ST8SIA4: variants seen among roughly 807,000 people sequenced by gnomAD.
ST8SIA4 encodes the protein CMP-N-acetylneuraminate-poly-alpha-2,8-sialyltransferase.
Under a neutral mutation model 33.9 loss-of-function variants are expected in ST8SIA4, and 15 were observed. The observed-to-expected ratio is 0.44, with a 90% CI of 0.30 to 0.68. ST8SIA4 has a LOEUF of 0.68. Ranked by LOEUF, ST8SIA4 falls within the 30% of genes least tolerant of loss-of-function variation. The pLI, the probability that ST8SIA4 is intolerant of heterozygous loss-of-function variation, is 0.10. For missense variants in ST8SIA4, 321 were observed against 428.0 expected, an observed-to-expected ratio of 0.75 and a Z score of 2.21; for synonymous variants, 171 against 151.2, an observed-to-expected ratio of 1.13 and a Z score of -0.96.
chr5:100,848,089 GAAAAC>G lies in ST8SIA4; in HGVS notation c.797+8009_797+8013del, dbSNP rs546416044. ...TAATAATGTAAAACAATATCTACTT[GAAAAC>G]AAAAGATGAAATTACTACAAATAAA... On this transcript the variant is annotated intron_variant, in intron 4 of 4. Coordinates refer to ENST00000231461, the MANE Select transcript of ST8SIA4 (RefSeq NM_005668.6). Among the ~76,000 whole-genome samples, 3 of 151,870 alleles carry G rather than the reference GAAAAC, an allele frequency of 2.0e-5. No homozygotes were observed. The South Asian group carries it at 6.2e-4, about 32-fold the overall frequency.
At chr5:100,847,598 G>A (rs981786979) in intron 4 of ST8SIA4, among the ~76,000 whole-genome samples, 5 of 152,050 alleles carry the variant, frequency 3.3e-5, no homozygotes, top group Admixed American at 6.6e-5. Flanking sequence ...AAAAAAAGTT[G>A]ATGGATGATG....
At chr5:100,824,662 A>T (rs1751101154) in intron 4 of ST8SIA4, among the ~76,000 whole-genome samples, 1 of 152,178 alleles carries the variant, frequency 6.6e-6, no homozygotes, top group South Asian at 2.1e-4. Context: ...CTGAAAAAAA[A>T]GGTGGAGGGG....
Position 100,807,072 on chromosome 5 carries a change from C to T in ST8SIA4, c.*4775G>A, listed in dbSNP as rs112010743. On this transcript the variant is annotated 3_prime_UTR_variant, in exon 5 of 5. Transcript: ENST00000231461. Reference sequence around the variant, plus strand: ...ATACACTTAAAAATAAATGGTTTGCCTAATTGCCAACCACTAGGGCTAAGG... The same window carrying T: ...ATACACTTAAAAATAAATGGTTTGCTTAATTGCCAACCACTAGGGCTAAGG... The T allele has an allele frequency of 4.6e-5, 7 of 151,900 alleles. No individual in the cohort carries two copies. Among genetic ancestry groups the T allele is most frequent in the African/African-American group, 1.7e-4 (7 of 41,384 alleles). The allele number at this position is 151,900 out of a possible 1,614,324, so 9.4% of individuals were successfully genotyped here.
intron 2 of ST8SIA4, among the ~76,000 whole-genome samples, chr5:100,891,906 G>T (rs1030879196): frequency 1.3e-5 from 2 of 151,994 alleles, no homozygotes; most frequent in Admixed American, 6.6e-5. Flanking sequence ...TATAAACATT[G>T]TATGTAGAAG....
chr5:100,830,009 G>A (rs2112413476), intron 4 of ST8SIA4, among the ~76,000 whole-genome samples: 1 of 152,030 alleles, frequency 6.6e-6, no homozygotes, highest in East Asian at 1.9e-4. Flanking sequence ...AACATAAAGA[G>A]ATAAGTCTTT....
At chr5:100,839,285 C>CA (rs1751425939) in intron 4 of ST8SIA4, among the ~76,000 whole-genome samples, 1 of 151,894 alleles carries the variant, frequency 6.6e-6, no homozygotes, top group Non-Finnish European at 1.5e-5. Flanking sequence ...TTCAAATGTA[C>CA]ATAGTTTGAG....
intron 1 of ST8SIA4, among the ~76,000 whole-genome samples, chr5:100,900,870 C>T (rs1752894051): frequency 6.6e-6 from 1 of 152,334 alleles, no homozygotes; most frequent in Non-Finnish European, 1.5e-5. Flanking sequence ...CCCTCGCCGC[C>T]GGCGCTCTGG....
intron 1 of ST8SIA4, among the ~76,000 whole-genome samples, chr5:100,897,108 T>C (rs1322283169): frequency 6.6e-6 from 1 of 152,046 alleles, no homozygotes; most frequent in Non-Finnish European, 1.5e-5. Context: ...TCTCAACGAG[T>C]CACTTCCCTG....
At chr5:100,827,086 T>C (rs1751164380) in intron 4 of ST8SIA4, among the ~76,000 whole-genome samples, 3 of 152,084 alleles carry the variant, frequency 2.0e-5, no homozygotes, top group Admixed American at 2.0e-4. Flanking sequence ...AAAACACTTA[T>C]AAAATCACTA....
chr5:100,839,297 C>A (rs542474079), intron 4 of ST8SIA4, among the ~76,000 whole-genome samples: 2 of 151,970 alleles, frequency 1.3e-5, no homozygotes, highest in South Asian at 4.2e-4. Flanking sequence ...TAGTTTGAGC[C>A]TTATAAATAA....
chr5:100,894,365 C>G (rs1223666309), intron 2 of ST8SIA4, among the ~76,000 whole-genome samples: 1 of 151,970 alleles, frequency 6.6e-6, no homozygotes, highest in Non-Finnish European at 1.5e-5. Context: ...ATATTCTACC[C>G]AGAAGTCATT....
intron 1 of ST8SIA4, among the ~76,000 whole-genome samples, chr5:100,901,764 A>G (rs1752922528): frequency 6.6e-6 from 1 of 152,146 alleles, no homozygotes; most frequent in African/African-American, 2.4e-5. Context: ...CGCTTAAATA[A>G]ATGCTTATTA....
intron 4 of ST8SIA4, among the ~76,000 whole-genome samples, chr5:100,847,120 G>A (rs929655395): frequency 1.3e-5 from 2 of 151,986 alleles, no homozygotes; most frequent in Admixed American, 6.6e-5. Flanking sequence ...TAGGACACAT[G>A]TTTTATAAAG....
intron 3 of ST8SIA4, among the ~76,000 whole-genome samples, chr5:100,864,225 G>C (rs1333057748): frequency 1.3e-5 from 2 of 152,104 alleles, no homozygotes; most frequent in African/African-American, 4.8e-5. Flanking sequence ...CTTGTAATAA[G>C]TAATACGGAG....
chr5:100,815,139 T>C (rs953416469), intron 4 of ST8SIA4, among the ~76,000 whole-genome samples: 2 of 151,158 alleles, frequency 1.3e-5, no homozygotes, highest in Admixed American at 6.5e-5. Context: ...ATTTAGTTTA[T>C]ATACATGTAT....
At chr5:100,830,644 A>C (rs1751238576) in intron 4 of ST8SIA4, among the ~76,000 whole-genome samples, 1 of 152,220 alleles carries the variant, frequency 6.6e-6, no homozygotes, top group African/African-American at 2.4e-5. Flanking sequence ...AATATATTGT[A>C]ATAACTTCAT....
intron 3 of ST8SIA4, among the ~76,000 whole-genome samples, chr5:100,882,538 A>T (rs1220571528): frequency 6.6e-6 from 1 of 152,244 alleles, no homozygotes; most frequent in East Asian, 1.9e-4. Flanking sequence ...AGAATTTTTC[A>T]TAAGTAACAA....
Position 100,807,922 on chromosome 5 carries a change from T to G in ST8SIA4, c.*3925A>C, listed in dbSNP as rs1471391511. 1 of 152,580 alleles carries G rather than the reference T, an allele frequency of 6.6e-6. No individual in the cohort carries two copies. The highest frequency in any genetic ancestry group is 2.4e-5 in the African/African-American group (1 of 41,454). 9.5% of individuals were successfully genotyped at this position (152,580 alleles called of 1,614,324 possible). A position where few individuals can be genotyped will look rare whatever the true frequency, so the allele number is the denominator to read the frequency against. ...TATCTATTTCTAGGTGGGCTTTATT[T>G]GGATTTTCTTTCATCAAATACAAAT... On this transcript the variant is annotated 3_prime_UTR_variant, in exon 5 of 5. Coordinates refer to ENST00000231461, the MANE Select transcript of ST8SIA4 (RefSeq NM_005668.6).
At position 100,807,666 on chromosome 5, in the gene ST8SIA4, CGTTA is replaced by C. The variant is rs1750722694; in HGVS notation, c.*4177_*4180del. On this transcript the variant is annotated 3_prime_UTR_variant, in exon 5 of 5. Coordinates refer to ENST00000231461, the MANE Select transcript of ST8SIA4 (RefSeq NM_005668.6). ...TATAAAGTAGATACCTCTTAAAGCACGTTAGTAACTGAAGTCTCAAAAGAACTTC... is the reference window on the plus strand; with the variant it reads ...TATAAAGTAGATACCTCTTAAAGCACGTAACTGAAGTCTCAAAAGAACTTC... The C allele has an allele frequency of 2.6e-5, 4 of 152,548 alleles. No homozygotes were observed. In the South Asian group the frequency reaches 8.3e-4, roughly 32 times the overall value. The allele number at this position is 152,548 out of a possible 1,614,324, so 9.4% of individuals were successfully genotyped here.
Sources: gnomAD v4.1 joint callset for allele counts (sites outside exome capture counted in the v4.1 genomes callset) on GRCh38, gnomAD v4.1.1 for gene constraint, MANE v1.5 for transcripts, NCBI Gene and HGNC (gene_info 2026-07-23, HGNC 2026-07-21) for gene names.